The following ELP4 variants were observed in gnomAD, a reference collection of about 807,000 sequenced individuals.
ELP4 encodes elongator complex protein 4.
Under a neutral mutation model 48.9 loss-of-function variants are expected in ELP4, and 51 were observed. The ratio of observed to expected loss-of-function variants is 1.04; its 90% confidence interval spans 0.83 to 1.32. The LOEUF is 1.32. ELP4 is among the 40% of genes most tolerant of loss of function. The pLI is 0.00. For synonymous variants in ELP4, 210 were observed against 189.2 expected (o/e 1.11, Z -0.90); for missense variants, 519 against 514.6 (o/e 1.01, Z -0.08).
rs542666521 is a variant in ELP4 at position 31,535,199 on chromosome 11, A to G, written c.260-4463A>G. Reference sequence around the variant, plus strand: ...AAATTGACCATACTTTTAATCATGGATTTTCTCTAAGATAATGTGCTAAGA... The same window carrying G: ...AAATTGACCATACTTTTAATCATGGGTTTTCTCTAAGATAATGTGCTAAGA... On this transcript the variant is annotated intron_variant, in intron 2 of 9. Transcript: ENST00000640961. Among the ~76,000 whole-genome samples the G allele has an allele frequency of 7.9e-5, 12 of 152,272 alleles. No individual in the cohort carries two copies. In the East Asian group the frequency reaches 1.5e-3, roughly 20 times the overall value.
chr11:31,601,867 G>C (rs762891792), intron 4 of ELP4, among the ~76,000 whole-genome samples: 4 of 152,028 alleles, frequency 2.6e-5, no homozygotes, highest in Non-Finnish European at 4.4e-5. Flanking sequence ...TTCTGACATA[G>C]ACCAAGCTTT....
chr11:31,648,331 T>C (rs1945248309), intron 8 of ELP4: 1 of 151,834 alleles, frequency 6.6e-6, no homozygotes. Flanking sequence ...TTACTCATTT[T>C]CTTGTTAGTA....
At chr11:31,640,833 C>CCA (rs1945080624) in intron 7 of ELP4, among the ~76,000 whole-genome samples, 1 of 151,882 alleles carries the variant, frequency 6.6e-6, no homozygotes, top group Non-Finnish European at 1.5e-5. Context: ...CATAGTAGAG[C>CCA]CACTGTAAGA....
intron 4 of ELP4, among the ~76,000 whole-genome samples, chr11:31,601,065 A>G (rs1957771250): frequency 6.6e-6 from 1 of 152,178 alleles, no homozygotes; most frequent in Non-Finnish European, 1.5e-5. Context: ...GTTCTTACCT[A>G]ATAAGCTGAC....
intron 9 of ELP4, among the ~76,000 whole-genome samples, chr11:31,677,467 A>G (rs931368000): frequency 6.6e-6 from 1 of 152,178 alleles, no homozygotes; most frequent in African/African-American, 2.4e-5. Flanking sequence ...GCCCACGCCC[A>G]CGTAGCTATT....
At chr11:31,744,673 T>C (rs969811332) in intron 9 of ELP4, among the ~76,000 whole-genome samples, 3 of 152,214 alleles carry the variant, frequency 2.0e-5, no homozygotes, top group Admixed American at 6.5e-5. Context: ...GAGAAGGCCT[T>C]TGACAAAATT....
At chr11:31,738,989 A>C (rs1344114072) in intron 9 of ELP4, among the ~76,000 whole-genome samples, 1 of 152,178 alleles carries the variant, frequency 6.6e-6, no homozygotes, top group Non-Finnish European at 1.5e-5. Flanking sequence ...AGTTCTAGAG[A>C]TCTGTGTACA....
At chr11:31,555,176 C>T (rs796236191) in intron 3 of ELP4, among the ~76,000 whole-genome samples, 27 of 152,154 alleles carry the variant, frequency 1.8e-4, no homozygotes, top group African/African-American at 6.5e-4. Context: ...CGATGAATGA[C>T]TATATGTGCT....
chr11:31,569,574 T>C (rs1437185408), intron 3 of ELP4, among the ~76,000 whole-genome samples: 1 of 151,474 alleles, frequency 6.6e-6, no homozygotes, highest in East Asian at 1.9e-4. Flanking sequence ...AAAATGGCAG[T>C]AAATCAGCTG....
chr11:31,605,613 G>A (rs972638640), intron 5 of ELP4, among the ~76,000 whole-genome samples: 3 of 151,836 alleles, frequency 2.0e-5, no homozygotes, highest in Non-Finnish European at 4.4e-5. Flanking sequence ...AAAATAATAT[G>A]GTGTTACTTT....
intron 9 of ELP4, among the ~76,000 whole-genome samples, chr11:31,694,631 G>C (rs912243099): frequency 6.6e-6 from 1 of 152,154 alleles, no homozygotes; most frequent in Non-Finnish European, 1.5e-5. Context: ...GCTTAGGATT[G>C]TCTTGGCAAT....
At chr11:31,633,712 A>G (rs925387033) in intron 7 of ELP4, 1 of 152,038 alleles carries the variant, frequency 6.6e-6, no homozygotes, top group Non-Finnish European at 1.5e-5. Flanking sequence ...TGAGCTTTTT[A>G]TGATAAATAA....
chr11:31,690,213 A>C (rs1946248002), intron 9 of ELP4, among the ~76,000 whole-genome samples: 1 of 152,172 alleles, frequency 6.6e-6, no homozygotes, highest in South Asian at 2.1e-4. Context: ...GCTGACTCAA[A>C]AGCCCATCTG....
chr11:31,698,989 G>C (rs772174709), intron 9 of ELP4, among the ~76,000 whole-genome samples: 66 of 152,154 alleles, frequency 4.3e-4, no homozygotes, highest in Non-Finnish European at 7.8e-4. Flanking sequence ...AAATGGTCAT[G>C]ATTATACACC....
chr11:31,723,358 C>T (rs1947008955), intron 9 of ELP4, among the ~76,000 whole-genome samples: 1 of 152,050 alleles, frequency 6.6e-6, no homozygotes, highest in Non-Finnish European at 1.5e-5. Context: ...ACCCACTCCC[C>T]CAGGTCCACA....
chr11:31,655,690 G>T (rs1409440655), intron 9 of ELP4, among the ~76,000 whole-genome samples: 1 of 152,018 alleles, frequency 6.6e-6, no homozygotes, highest in East Asian at 1.9e-4. Flanking sequence ...TAAAGTTAGG[G>T]TTGAGTCATG....
chr11:31,694,915 T>C (rs1459735080), intron 9 of ELP4, among the ~76,000 whole-genome samples: 3 of 152,198 alleles, frequency 2.0e-5, no homozygotes, highest in Non-Finnish European at 4.4e-5. Flanking sequence ...TTATTCTCTT[T>C]GAAGCAGTTG....
chr11:31,534,973 A>T (rs1194046281), intron 2 of ELP4, among the ~76,000 whole-genome samples: 1 of 152,210 alleles, frequency 6.6e-6, no homozygotes, highest in Non-Finnish European at 1.5e-5. Context: ...GTCAGTGCTG[A>T]TCATCTCTCC....
chr11:31,668,350 T>G (rs572509835), intron 9 of ELP4, among the ~76,000 whole-genome samples: 2 of 152,162 alleles, frequency 1.3e-5, no homozygotes, highest in Non-Finnish European at 2.9e-5. Context: ...GGCAAAATTA[T>G]TATATTCCTC....
Sources: gnomAD v4.1 joint callset for allele counts (sites outside exome capture counted in the v4.1 genomes callset) on GRCh38, gnomAD v4.1.1 for gene constraint, MANE v1.5 for transcripts, NCBI Gene and HGNC (gene_info 2026-07-23, HGNC 2026-07-21) for gene names.